Variants in SERINC5 observed in about 807,000 individuals in gnomAD.
SERINC5 encodes serine incorporator 5, also known as chromosome 5 open reading frame 12.
In SERINC5, 41 loss-of-function variants were observed where a neutral mutation model predicts 63.1. That is an observed-to-expected ratio of 0.65 (90% CI 0.51 to 0.84). SERINC5 has a LOEUF of 0.84. SERINC5 is among the 40% of genes least tolerant of loss of function. The probability of loss-of-function intolerance (pLI) is 0.00; values close to 1 mark genes in which losing one functional copy is unlikely to be tolerated. For missense variants in SERINC5, 523 were observed against 573.0 expected (o/e 0.91, Z 0.89); for synonymous variants, 222 against 215.2 (o/e 1.03, Z -0.28).
At chr5:80,131,561 G>C (rs1229591060) in intron 11 of SERINC5, among the ~76,000 whole-genome samples, 8 of 152,106 alleles carry the variant, frequency 5.3e-5, no homozygotes, top group Middle Eastern at 3.2e-3. Flanking sequence ...TCCTGGATTT[G>C]AACACCAGCA....
At chr5:80,215,154 G>GC (rs1185717702) in intron 1 of SERINC5, among the ~76,000 whole-genome samples, 2 of 152,212 alleles carry the variant, frequency 1.3e-5, no homozygotes, top group Non-Finnish European at 2.9e-5. Context: ...GCAGATGACT[G>GC]CATCATGGGG....
At chr5:80,252,754 T>C (rs1055388185) in intron 1 of SERINC5, among the ~76,000 whole-genome samples, 6 of 152,150 alleles carry the variant, frequency 3.9e-5, no homozygotes, top group East Asian at 3.9e-4. Flanking sequence ...CATTCAATAG[T>C]TGAGGTAAAA....
intron 5 of SERINC5, among the ~76,000 whole-genome samples, chr5:80,174,425 G>T (rs4546361): frequency 0.23 from 33,587 of 143,764 alleles, 4,882 homozygotes; most frequent in African/African-American, 0.43. Context: ...AAACAAAAGG[G>T]TACTGAAATC....
intron 5 of SERINC5, among the ~76,000 whole-genome samples, 181 bp downstream of exon 5, chr5:80,174,773 T>A (rs887572721): frequency 1.3e-5 from 2 of 151,014 alleles, no homozygotes; most frequent in Non-Finnish European, 2.9e-5. Flanking sequence ...AGCAAGGGAG[T>A]AGGGGCAGGG....
chr5:80,123,872 T>C (rs1744639375), intron 11 of SERINC5, among the ~76,000 whole-genome samples: 3 of 152,182 alleles, frequency 2.0e-5, no homozygotes, highest in Admixed American at 6.5e-5. Context: ...CTGGCACATA[T>C]ATCCTTGTTT....
chr5:80,232,132 A>T (rs558957290), intron 1 of SERINC5, among the ~76,000 whole-genome samples: 26 of 148,210 alleles, frequency 1.8e-4, no homozygotes, highest in South Asian at 4.3e-4. Flanking sequence ...AGGCCGGGCA[A>T]GGTGGCTCAC....
intron 1 of SERINC5, among the ~76,000 whole-genome samples, chr5:80,217,705 G>A (rs968930139): frequency 6.6e-6 from 1 of 152,242 alleles, no homozygotes; most frequent in East Asian, 1.9e-4. Flanking sequence ...TCTAGGAGTT[G>A]GTAGTATAGT....
At chr5:80,147,715 T>C (rs970483706) in intron 9 of SERINC5, among the ~76,000 whole-genome samples, 5 of 152,164 alleles carry the variant, frequency 3.3e-5, no homozygotes, top group African/African-American at 7.2e-5. Context: ...TGACTTTTAA[T>C]AAATATCCCA....
chr5:80,184,069 T>C (rs992340229), intron 2 of SERINC5, among the ~76,000 whole-genome samples: 4 of 152,134 alleles, frequency 2.6e-5, no homozygotes, highest in African/African-American at 9.7e-5. Context: ...TCAGAGAGTC[T>C]AACCCAAAAC....
intron 5 of SERINC5, 84 bp downstream of exon 5, chr5:80,174,870 C>A: frequency 2.4e-6 from 2 of 842,698 alleles, no homozygotes; most frequent in Non-Finnish European, 3.7e-6. Context: ...ACTGCAAATC[C>A]CTAGCAATGC....
At chr5:80,192,520 G>A (rs568805074) in intron 2 of SERINC5, among the ~76,000 whole-genome samples, 1 of 151,992 alleles carries the variant, frequency 6.6e-6, no homozygotes, top group Admixed American at 6.5e-5. Context: ...GGAATGGAGA[G>A]AGAATGTGTC....
intron 1 of SERINC5, among the ~76,000 whole-genome samples, chr5:80,224,754 G>A (rs1751088306): frequency 6.6e-6 from 1 of 151,658 alleles, no homozygotes; most frequent in Non-Finnish European, 1.5e-5. Flanking sequence ...AGCCTCCCGA[G>A]TAGCTGGGAT....
chr5:80,162,530 C>A (rs887202724), intron 7 of SERINC5, among the ~76,000 whole-genome samples: 6 of 152,110 alleles, frequency 3.9e-5, no homozygotes, highest in Non-Finnish European at 5.9e-5. Context: ...CATGCCACCA[C>A]ACTCAGCTAA....
At chr5:80,177,135 G>A (rs1748086093) in intron 4 of SERINC5, among the ~76,000 whole-genome samples, 180 bp downstream of exon 4, 1 of 152,178 alleles carries the variant, frequency 6.6e-6, no homozygotes. Flanking sequence ...GTGGTGAGAA[G>A]AGGGGAGGTA....
chr5:80,217,843 A>G (rs1358532795), intron 1 of SERINC5, among the ~76,000 whole-genome samples: 1 of 151,998 alleles, frequency 6.6e-6, no homozygotes, highest in Non-Finnish European at 1.5e-5. Context: ...CAGTCCTCCT[A>G]TTTTCCTGAT....
At position 80,235,222 on chromosome 5, in the gene SERINC5, C is replaced by CAT. The variant is rs564195091; in HGVS notation, c.27+20672_27+20673dup. Among the ~76,000 whole-genome samples, 402 of 152,320 alleles carry CAT rather than the reference C, an allele frequency of 2.6e-3. 1 individual carries two copies. The highest frequency in any genetic ancestry group is 0.014 in the Middle Eastern group (4 of 294). ...TATTGTATACTTTTATTTCACTTAGCATAATGTCCTTGAGGTGCAACCACG... is the reference window on the plus strand; with the variant it reads ...TATTGTATACTTTTATTTCACTTAGCATATAATGTCCTTGAGGTGCAACCACG... On this transcript the variant is annotated intron_variant, in intron 1 of 11. Transcript: ENST00000507668.
Position 80,219,130 on chromosome 5 carries a change from G to T in SERINC5, c.28-16077C>A, listed in dbSNP as rs182226967. On this transcript the variant is annotated intron_variant, in intron 1 of 11. Transcript: ENST00000507668. ...GGAAAACCACAGCTGTACCTGGATA[G>T]TACCAGTGCTCAGAGGCAAGATCAG... Among the ~76,000 whole-genome samples, 459 of 152,308 alleles carry T rather than the reference G, an allele frequency of 3.0e-3. 2 individuals carry two copies. Among genetic ancestry groups the T allele is most frequent in the Non-Finnish European group, 3.0e-3 (204 of 68,026 alleles).
At chr5:80,116,286 A>G (rs1163654203) in intron 11 of SERINC5, 2 of 455,938 alleles carry the variant, frequency 4.4e-6, no homozygotes, top group African/African-American at 4.0e-5. Context: ...CAAAAAGGGT[A>G]TTCTTAAGAG....
At position 80,145,137 on chromosome 5, in the gene SERINC5, G is replaced by A. The variant is rs191141554; in HGVS notation, c.1238+953C>T. ...AGGTGGATCACAAGGTCAGGAGTTC[G>A]AGACCAGCCTAGCCAATATGGTGAA... On this transcript the variant is annotated intron_variant, in intron 11 of 11. Coordinates refer to ENST00000507668, the MANE Select transcript of SERINC5 (RefSeq NM_001174072.3). Among the ~76,000 whole-genome samples the A allele has an allele frequency of 7.1e-3, 1,075 of 151,832 alleles. 13 individuals are homozygous for A. Among genetic ancestry groups the A allele is most frequent in the African/African-American group, 0.025 (1,016 of 41,406 alleles).
Sources: gnomAD v4.1 joint callset for allele counts (sites outside exome capture counted in the v4.1 genomes callset) on GRCh38, gnomAD v4.1.1 for gene constraint, MANE v1.5 for transcripts, NCBI Gene and HGNC (gene_info 2026-07-23, HGNC 2026-07-21) for gene names.